MYH15: variants seen among roughly 807,000 people sequenced by gnomAD.
MYH15 encodes myosin-15.
MYH15 carries 227 observed loss-of-function variants against 240.5 expected under a neutral mutation model. The ratio of observed to expected loss-of-function variants is 0.94; its 90% CI spans 0.85 to 1.05. MYH15 has a LOEUF of 1.05. Among genes scored for constraint, MYH15 ranks in the 50% least tolerant of loss-of-function variants. The pLI, the probability that MYH15 is intolerant of heterozygous loss-of-function variation, is 0.00. For missense variants in MYH15, 2,217 were observed against 2,247.5 expected, an observed-to-expected ratio of 0.99 and a Z score of 0.27; for synonymous variants, 785 against 796.7, an observed-to-expected ratio of 0.99 and a Z score of 0.25.
intron 1 of MYH15, among the ~76,000 whole-genome samples, chr3:108,509,208 A>G (rs1440030412): frequency 6.6e-6 from 1 of 152,208 alleles, no homozygotes. Context: ...GTGCATTTCT[A>G]TGAGGAAGGA....
chr3:108,448,138 TAAAGAG>T (rs1309313682), intron 21 of MYH15, among the ~76,000 whole-genome samples: 1 of 151,966 alleles, frequency 6.6e-6, no homozygotes, highest in East Asian at 1.9e-4. Context: ...ATTCAGAAGA[TAAAGAG>T]AAAGGAATAC....
the MYH15 span, among the ~76,000 whole-genome samples, chr3:108,541,596 T>C: frequency 6.6e-6 from 1 of 152,122 alleles, no homozygotes; most frequent in Non-Finnish European, 1.5e-5. Flanking sequence ...CCATAATGGT[T>C]GAAAAACTTG....
chr3:108,395,631 CTTTCT>C lies in MYH15; in HGVS notation c.5134-1480_5134-1476del, dbSNP rs1196752907. Reference sequence around the variant, plus strand: ...TTACTCTCTAATTTGTTTTTTTTTTCTTTCTTTTTTTTTTTTTTTAGGAGAAAGGG... The same window carrying C: ...TTACTCTCTAATTTGTTTTTTTTTTCTTTTTTTTTTTTTTAGGAGAAAGGG... On this transcript the variant is annotated intron_variant, in intron 35 of 40. Transcript: ENST00000693548. Among the ~76,000 whole-genome samples, 39 of 117,674 alleles carry C rather than the reference CTTTCT, an allele frequency of 3.3e-4. No individual in the cohort carries two copies. The South Asian group carries it at 4.1e-3, about 12-fold the overall frequency. The allele number at this position is 117,674 out of a possible 152,430, so 77.2% of individuals were successfully genotyped here.
Position 108,470,818 on chromosome 3 carries a change from C to A in MYH15, c.1263G>T (p.Lys421Asn). The change falls in exon 13 of 41, where the codon AAG (lysine) becomes AAT (asparagine). Residue 421 changes from lysine (K) to asparagine (N), a missense_variant. Lys to Asn is a moderately conservative substitution (Grantham distance 94). Coordinates refer to ENST00000693548, the MANE Select transcript of MYH15 (RefSeq NM_014981.3). ...ACTTAAACATCCTTTCATACATTGA[C>A]TTGGACAGGGCACCGACAGCACAGG... ...QVTCAVGALS[K>N]SMYERMFKWL... The A allele has an allele frequency of 6.2e-7, 1 of 1,613,790 alleles. No individual in the cohort carries two copies. Among genetic ancestry groups the A allele is most frequent in the Non-Finnish European group, 8.5e-7 (1 of 1,179,810 alleles).
intron 35 of MYH15, among the ~76,000 whole-genome samples, chr3:108,394,886 T>A (rs755399177): frequency 3.3e-5 from 5 of 152,248 alleles, no homozygotes; most frequent in Non-Finnish European, 7.3e-5. Flanking sequence ...TCTATTTTTT[T>A]ATTTCTCCTT....
chr3:108,548,950 ATTCT>A, the MYH15 span, among the ~76,000 whole-genome samples: 1 of 152,154 alleles, frequency 6.6e-6, no homozygotes, highest in African/African-American at 2.4e-5. Context: ...ATACAGTTTC[ATTCT>A]TTTTTTCCTG....
At chr3:108,530,741 A>C (rs958051954), upstream of MYH15, among the ~76,000 whole-genome samples, 2 of 152,196 alleles carry the variant, frequency 1.3e-5, no homozygotes, top group African/African-American at 4.8e-5. Flanking sequence ...CTGCTCTAAA[A>C]ATACTTAAAA....
intron 25 of MYH15, among the ~76,000 whole-genome samples, chr3:108,435,748 G>A (rs973752146): frequency 4.9e-5 from 7 of 142,902 alleles, no homozygotes; most frequent in Middle Eastern, 3.3e-3. Flanking sequence ...GTATGTATGT[G>A]TGTGTTTGGG....
intron 11 of MYH15, among the ~76,000 whole-genome samples, chr3:108,479,135 A>C (rs1407866751): frequency 2.6e-5 from 4 of 152,222 alleles, no homozygotes; most frequent in Non-Finnish European, 5.9e-5. Flanking sequence ...ATCTATGACT[A>C]AATGCCCATC....
At chr3:108,491,459 C>T (rs1198743657) in intron 9 of MYH15, among the ~76,000 whole-genome samples, 1 of 152,020 alleles carries the variant, frequency 6.6e-6, no homozygotes, top group Admixed American at 6.6e-5. Context: ...TTGACTGACT[C>T]ATCACTCTTC....
intron 21 of MYH15, among the ~76,000 whole-genome samples, chr3:108,453,233 A>G (rs2082989853): frequency 6.6e-6 from 1 of 152,200 alleles, no homozygotes; most frequent in Non-Finnish European, 1.5e-5. Context: ...TGACCACTAT[A>G]TGAGAGTCAC....
Position 108,441,128 on chromosome 3 carries a change from C to T in MYH15, c.2788G>A (p.Ala930Thr). 2 of 1,614,184 alleles carry T rather than the reference C, an allele frequency of 1.2e-6. No individual in the cohort carries two copies. Among genetic ancestry groups the T allele is most frequent in the Non-Finnish European group, 8.5e-7 (1 of 1,180,014 alleles). Reference sequence around the variant, plus strand: ...TCATCTTCGAGTTTCCGCCCCCTGGCAGTCAGCTCAGAATTTATCTCCTCT... The same window carrying T: ...TCATCTTCGAGTTTCCGCCCCCTGGTAGTCAGCTCAGAATTTATCTCCTCT... ...EEEEINSELT[A>T]RGRKLEDECF... The change falls in exon 23 of 41, where the codon GCC becomes ACC. Residue 930 changes from alanine to threonine, a missense_variant. Ala to Thr is a moderately conservative substitution (Grantham distance 58). Coordinates refer to ENST00000693548, the MANE Select transcript of MYH15 (RefSeq NM_014981.3).
chr3:108,392,749 T>C (rs1297684161), intron 36 of MYH15, among the ~76,000 whole-genome samples: 1 of 152,216 alleles, frequency 6.6e-6, no homozygotes, highest in Non-Finnish European at 1.5e-5. Flanking sequence ...TTCAACACTG[T>C]CAAGAAAATC....
Position 108,381,013 on chromosome 3 carries a change from T to C in MYH15, c.*532A>G, listed in dbSNP as rs7635040. 0.079 allele frequency: 12,348 copies of C among 156,472 alleles called. 660 individuals are homozygous for C. Among genetic ancestry groups the C allele is most frequent in the Middle Eastern group, 0.12 (37 of 304 alleles). 9.7% of individuals were successfully genotyped at this position (156,472 alleles called of 1,614,324 possible). On this transcript the variant is annotated 3_prime_UTR_variant, in exon 41 of 41. Coordinates refer to ENST00000693548, the MANE Select transcript of MYH15 (RefSeq NM_014981.3). ...GTTGATTAGGAGAGTTTTGCCTACATGTTCAAATTGCCTAACTATAGCTAT... is the reference window on the plus strand; with the variant it reads ...GTTGATTAGGAGAGTTTTGCCTACACGTTCAAATTGCCTAACTATAGCTAT...
chr3:108,507,007 G>C (rs2083482024), intron 1 of MYH15, among the ~76,000 whole-genome samples: 2 of 151,898 alleles, frequency 1.3e-5, no homozygotes, highest in Admixed American at 6.6e-5. Context: ...CTCCAGCCTG[G>C]GTGACAGAGT....
At chr3:108,547,456 T>C in the MYH15 span, among the ~76,000 whole-genome samples, 1 of 152,144 alleles carries the variant, frequency 6.6e-6, no homozygotes, top group East Asian at 1.9e-4. Context: ...CCAAATGAAT[T>C]GAATGTCATG....
rs559080191 is a variant in MYH15, at chr3:108,484,914, G to A, written c.1114+177C>T. ...TATTGAGGAGTGCTTCTTATTCTGT[G>A]ATAGGAGGATTCTACATTAGAATGG... On this transcript the variant is annotated intron_variant, in intron 11 of 40. Transcript: ENST00000693548. Among the ~76,000 whole-genome samples the A allele has an allele frequency of 6.6e-5, 10 of 152,268 alleles. No individual in the cohort carries two copies. In the East Asian group the frequency reaches 1.9e-3, roughly 29 times the overall value.
At position 108,441,119 on chromosome 3, in the gene MYH15, GC is replaced by G. The variant is rs765618753; in HGVS notation, c.2796del (p.Arg933GlyfsTer10). The G allele has an allele frequency of 5.0e-6, 8 of 1,613,908 alleles. No homozygotes were observed. Among genetic ancestry groups the G allele is most frequent in the Admixed American group, 3.3e-5 (2 of 59,988 alleles). On this transcript the variant is annotated frameshift_variant, in exon 23 of 41. Transcript: ENST00000693548. LOFTEE classifies it high-confidence loss of function. Reference protein sequence around the residue: ...EEINSELTARGRKLEDECFEL... With the variant: ...EEINSELTARXRKLEDECFEL... ...TCAAAACATTCATCTTCGAGTTTCC[GC>G]CCCCTGGCAGTCAGCTCAGAATTTA... is the stretch of plus-strand genomic sequence containing the variant.
intron 24 of MYH15, 51 bp from the exon 25 acceptor site, chr3:108,437,750 T>C: frequency 6.5e-7 from 1 of 1,543,692 alleles, no homozygotes; most frequent in Non-Finnish European, 8.7e-7. Flanking sequence ...AGTTTATACT[T>C]CACTAGATGT....
Sources: gnomAD v4.1 joint callset for allele counts (sites outside exome capture counted in the v4.1 genomes callset) on GRCh38, gnomAD v4.1.1 for gene constraint, MANE v1.5 for transcripts, NCBI Gene and HGNC (gene_info 2026-07-23, HGNC 2026-07-21) for gene names.